The following THEM4 variants were observed in gnomAD, a reference collection of about 807,000 sequenced individuals.
THEM4 encodes acyl-coenzyme A thioesterase THEM4.
THEM4 carries 22 observed loss-of-function variants against 25.0 expected under a neutral mutation model. That is an observed-to-expected ratio of 0.88 (90% CI 0.63 to 1.26). The LOEUF is 1.26. Among genes scored for constraint, THEM4 ranks in the 50% most tolerant of loss-of-function variants. The pLI, the probability that THEM4 is intolerant of heterozygous loss-of-function variation, is 0.00. For missense variants in THEM4, 286 were observed against 300.3 expected, an observed-to-expected ratio of 0.95 and a Z score of 0.35; for synonymous variants, 113 against 105.6, an observed-to-expected ratio of 1.07 and a Z score of -0.43.
At chr1:151,906,825 C>G (rs984745214) in intron 1 of THEM4, among the ~76,000 whole-genome samples, 2 of 152,060 alleles carry the variant, frequency 1.3e-5, no homozygotes, top group African/African-American at 2.4e-5. Context: ...CTGGTGTGGA[C>G]GTGGAGAACC....
chr1:151,891,473 C>T (rs2101724300), intron 2 of THEM4: 1 of 152,254 alleles, frequency 6.6e-6, no homozygotes, highest in South Asian at 2.1e-4. Context: ...TCATCCAGGG[C>T]TGGGGTTTTC....
At chr1:151,895,889 G>T (rs1266062156) in intron 1 of THEM4, among the ~76,000 whole-genome samples, 1 of 151,736 alleles carries the variant, frequency 6.6e-6, no homozygotes, top group Non-Finnish European at 1.5e-5. Context: ...GTTTAAAAGT[G>T]TATAGTACCT....
At chr1:151,885,489 T>G (rs1258851265) in intron 4 of THEM4, among the ~76,000 whole-genome samples, 1 of 152,282 alleles carries the variant, frequency 6.6e-6, no homozygotes, top group Non-Finnish European at 1.5e-5. Context: ...CATCATATCT[T>G]AGATCCCTGA....
intron 1 of THEM4, among the ~76,000 whole-genome samples, chr1:151,902,624 C>T (rs1425045819): frequency 2.6e-5 from 4 of 152,042 alleles, no homozygotes; most frequent in Non-Finnish European, 5.9e-5. Context: ...AACCAAATAC[C>T]ACCTGTACCT....
intron 1 of THEM4, 83 bp downstream of exon 1, chr1:151,909,277 T>A (rs1053313373): frequency 8.4e-7 from 1 of 1,185,068 alleles, no homozygotes; most frequent in African/African-American, 1.6e-5. Context: ...GGTTGGGGTA[T>A]GGATAACAAT....
rs1034150056 is a variant in THEM4, at chr1:151,909,491, C to G, written c.-33G>C. 1.5e-6 allele frequency: 2 copies of G among 1,346,030 alleles called. No homozygotes were observed. Among genetic ancestry groups the G allele is most frequent in the Non-Finnish European group, 1.9e-6 (2 of 1,052,938 alleles). The allele number at this position is 1,346,030 out of a possible 1,614,324, so 83.4% of individuals were successfully genotyped here. On this transcript the variant is annotated 5_prime_UTR_variant, in exon 1 of 6. Coordinates refer to ENST00000368814, the MANE Select transcript of THEM4 (RefSeq NM_053055.5). ...GGCCGCGGGGCCGCGCTTGCTCTAGCCCTGGACGGCGCACTCTACCTCCGC... is the reference window on the plus strand; with the variant it reads ...GGCCGCGGGGCCGCGCTTGCTCTAGGCCTGGACGGCGCACTCTACCTCCGC...
At chr1:151,906,762 A>G (rs542705586) in intron 1 of THEM4, among the ~76,000 whole-genome samples, 3 of 152,104 alleles carry the variant, frequency 2.0e-5, no homozygotes, top group Non-Finnish European at 4.4e-5. Context: ...GTATCTAGCT[A>G]CTCTGGTGGG....
intron 2 of THEM4, among the ~76,000 whole-genome samples, chr1:151,892,782 A>G (rs1654121989): frequency 6.6e-6 from 1 of 152,180 alleles, no homozygotes; most frequent in East Asian, 1.9e-4. Context: ...AGAAGTTGTC[A>G]ACTTCTGGAT....
At position 151,874,728 on chromosome 1, in the gene THEM4, G is replaced by T; in HGVS notation, c.*160C>A. ...TATTTCTGTGTTAAAAAGTTGAGAA[G>T]ATGGAAACTGAATCCTCTTTGTATT... On this transcript the variant is annotated 3_prime_UTR_variant, in exon 6 of 6. Transcript: ENST00000368814. 1.5e-5 allele frequency: 11 copies of T among 717,486 alleles called. No individual in the cohort carries two copies. 44.4% of individuals were successfully genotyped at this position (717,486 alleles called of 1,614,324 possible).
intron 4 of THEM4, among the ~76,000 whole-genome samples, chr1:151,881,007 T>C (rs1483875651): frequency 6.6e-6 from 1 of 152,088 alleles, no homozygotes; most frequent in Non-Finnish European, 1.5e-5. Context: ...TAGATATTAG[T>C]TATACACTCA....
intron 4 of THEM4, among the ~76,000 whole-genome samples, chr1:151,881,505 C>T (rs1653812121): frequency 6.6e-6 from 1 of 152,236 alleles, no homozygotes; most frequent in Non-Finnish European, 1.5e-5. Flanking sequence ...TGTTGTCCTG[C>T]TGTTCCATAA....
intron 4 of THEM4, among the ~76,000 whole-genome samples, chr1:151,886,394 T>C (rs970836606): frequency 6.6e-6 from 1 of 152,356 alleles, no homozygotes; most frequent in East Asian, 1.9e-4. Context: ...CTAAATACTT[T>C]GTTTCAGCTT....
chr1:151,872,424 G>A lies in THEM4; in HGVS notation c.*2464C>T, dbSNP rs1653573816. Among the ~76,000 whole-genome samples the A allele has an allele frequency of 6.6e-6, 1 of 152,142 alleles. No homozygotes were observed. The highest frequency in any genetic ancestry group is 1.5e-5 in the Non-Finnish European group (1 of 68,026). On this transcript the variant is annotated 3_prime_UTR_variant, in exon 6 of 6. Transcript: ENST00000368814. Reference sequence around the variant, plus strand: ...ATGGTTCAGCTTAAATTTCTAATATGGGGAAAGAAAGGAAAGAAATGGAAG... The same window carrying A: ...ATGGTTCAGCTTAAATTTCTAATATAGGGAAAGAAAGGAAAGAAATGGAAG...
At chr1:151,876,040 T>C (rs1653664193) in intron 5 of THEM4, among the ~76,000 whole-genome samples, 3 of 152,188 alleles carry the variant, frequency 2.0e-5, no homozygotes, top group Non-Finnish European at 4.4e-5. Flanking sequence ...GACAGTCACA[T>C]ATGGAGTATT....
chr1:151,878,891 TACACACACACACACAC>T (rs55900104), intron 4 of THEM4, among the ~76,000 whole-genome samples: 2 of 138,536 alleles, frequency 1.4e-5, no homozygotes. Flanking sequence ...TATATGTCTA[TACACACACACACACAC>T]ACACACACAC....
chr1:151,871,529 A>G lies in THEM4; in HGVS notation c.*3359T>C, dbSNP rs532110022. Among the ~76,000 whole-genome samples the G allele has an allele frequency of 6.6e-6, 1 of 152,262 alleles. No homozygotes were observed. Among genetic ancestry groups the G allele is most frequent in the African/African-American group, 2.4e-5 (1 of 41,554 alleles). Reference sequence around the variant, plus strand: ...CAAAATACAACCTGAGGAAAGCAAGAGTGCCAGGGCATGGTGAAGGCTAGG... The same window carrying G: ...CAAAATACAACCTGAGGAAAGCAAGGGTGCCAGGGCATGGTGAAGGCTAGG... On this transcript the variant is annotated 3_prime_UTR_variant, in exon 6 of 6. Transcript: ENST00000368814.
At chr1:151,886,904 C>T (rs1653983413) in intron 4 of THEM4, among the ~76,000 whole-genome samples, 2 of 152,072 alleles carry the variant, frequency 1.3e-5, no homozygotes, top group African/African-American at 2.4e-5. Flanking sequence ...AAGTCCTAGC[C>T]AGAGCAATTA....
At chr1:151,909,126 C>T (rs1654539619) in intron 1 of THEM4, among the ~76,000 whole-genome samples, 1 of 152,170 alleles carries the variant, frequency 6.6e-6, no homozygotes, top group African/African-American at 2.4e-5. Context: ...GCCCTGCCGA[C>T]CCTGTCTCTT....
At chr1:151,907,039 C>T (rs1654485630) in intron 1 of THEM4, among the ~76,000 whole-genome samples, 1 of 152,152 alleles carries the variant, frequency 6.6e-6, no homozygotes, top group Admixed American at 6.5e-5. Context: ...AATCTTGCTG[C>T]TGCTCACTCT....
Sources: allele counts gnomAD v4.1 joint callset (sites outside exome capture counted in the v4.1 genomes callset), GRCh38; gene constraint gnomAD v4.1.1; transcripts MANE v1.5; gene names NCBI Gene and HGNC (gene_info 2026-07-23, HGNC 2026-07-21).